The following AIMP1 variants were observed in gnomAD, a reference collection of about 807,000 sequenced individuals.
AIMP1 encodes aminoacyl tRNA synthase complex-interacting multifunctional protein 1.
In AIMP1, 24 loss-of-function variants were observed where a neutral mutation model predicts 33.1. That is an observed-to-expected ratio of 0.73 (90% CI 0.53 to 1.02). AIMP1 has a LOEUF of 1.02. Ranked by LOEUF, AIMP1 falls within the 50% of genes least tolerant of loss-of-function variation. AIMP1 has a pLI of 0.00. For missense variants in AIMP1, 367 were observed against 364.8 expected (o/e 1.01, Z -0.05); for synonymous variants, 120 against 121.5 (o/e 0.99, Z 0.08).
intron 5 of AIMP1, among the ~76,000 whole-genome samples, chr4:106,336,394 T>A (rs879339258): frequency 6.6e-6 from 1 of 152,056 alleles, no homozygotes; most frequent in Non-Finnish European, 1.5e-5. Flanking sequence ...AATGATCAAA[T>A]GTGTAGGGAA....
chr4:106,346,157 C>T (rs997964397), intron 6 of AIMP1, among the ~76,000 whole-genome samples: 1 of 151,936 alleles, frequency 6.6e-6, no homozygotes, highest in African/African-American at 2.4e-5. Flanking sequence ...TGAACATTCT[C>T]AGCTATTGAA....
intron 6 of AIMP1, among the ~76,000 whole-genome samples, chr4:106,341,775 C>A (rs1770108923): frequency 6.6e-6 from 1 of 152,116 alleles, no homozygotes; most frequent in African/African-American, 2.4e-5. Context: ...TATTTGCACT[C>A]TTTCCTCATT....
At position 106,336,928 on chromosome 4, in the gene AIMP1, A is replaced by G; in HGVS notation, c.663A>G (p.Val221=). The stretch of plus-strand genomic sequence containing the variant: ...TGAAACCTGCAAAGATGAGGGGAGT[A>G]TTATCTCAAGCAATGGTCATGTGTG... ...CNLKPAKMRG[V]LSQAMVMCAS... is the part of the protein sequence containing the mutation. Residue 221 remains valine, a synonymous_variant, in exon 6 of 7, where the codon GTA becomes GTG. Transcript: ENST00000672341. 1.9e-6 allele frequency: 3 copies of G among 1,614,052 alleles called. No homozygotes were observed. Among genetic ancestry groups the G allele is most frequent in the South Asian group, 1.1e-5 (1 of 91,072 alleles).
chr4:106,322,528 T>C (rs1769302322), intron 1 of AIMP1, among the ~76,000 whole-genome samples: 1 of 152,244 alleles, frequency 6.6e-6, no homozygotes, highest in Non-Finnish European at 1.5e-5. Flanking sequence ...CCAGAGCTTC[T>C]GTTCTAAAGA....
intron 6 of AIMP1, among the ~76,000 whole-genome samples, chr4:106,337,835 G>T (rs925301325): frequency 1.3e-5 from 2 of 152,226 alleles, no homozygotes; most frequent in Non-Finnish European, 2.9e-5. Context: ...CTAGAGACTT[G>T]TTGAATGGCT....
intron 1 of AIMP1, 110 bp downstream of exon 1, chr4:106,316,704 T>C (rs945296874): frequency 9.4e-6 from 10 of 1,062,496 alleles, no homozygotes; most frequent in Non-Finnish European, 1.2e-5. Flanking sequence ...GCGCTGCTAA[T>C]GGGTAGTCCG....
At position 106,349,049 on chromosome 4, in the gene AIMP1, T is replaced by G. The variant is rs1770400828; in HGVS notation, c.*1357T>G. The stretch of plus-strand genomic sequence containing the variant: ...CAGAATTAAATTTTATTTATTTAAA[T>G]CCATGGAACTCTGGTAGGCCAGGAT... On this transcript the variant is annotated 3_prime_UTR_variant, in exon 7 of 7. Coordinates refer to ENST00000672341, the MANE Select transcript of AIMP1 (RefSeq NM_001142416.2). The G allele has an allele frequency of 6.6e-6, 1 of 152,074 alleles. No homozygotes were observed. The highest frequency in any genetic ancestry group is 2.1e-4 in the South Asian group (1 of 4,824). The allele number at this position is 152,074 out of a possible 1,614,324, so 9.4% of individuals were successfully genotyped here.
At chr4:106,333,940 T>C (rs1041860234) in intron 5 of AIMP1, among the ~76,000 whole-genome samples, 6 of 152,214 alleles carry the variant, frequency 3.9e-5, no homozygotes, top group Non-Finnish European at 8.8e-5. Flanking sequence ...TGAAGAAATA[T>C]GGTTTTTAAA....
At chr4:106,344,760 A>C (rs1770232757) in intron 6 of AIMP1, among the ~76,000 whole-genome samples, 1 of 151,250 alleles carries the variant, frequency 6.6e-6, no homozygotes, top group South Asian at 2.1e-4. Context: ...TGTTCACTCC[A>C]CTTGAGCCAC....
chr4:106,332,845 T>C (rs1011271500), intron 5 of AIMP1, among the ~76,000 whole-genome samples: 28 of 151,914 alleles, frequency 1.8e-4, no homozygotes, highest in African/African-American at 6.8e-4. Context: ...TTTAGAGCCA[T>C]GCATATGACC....
At chr4:106,325,141 G>C in intron 2 of AIMP1, 23 bp downstream of exon 2, 1 of 1,585,086 alleles carries the variant, frequency 6.3e-7, no homozygotes, top group Non-Finnish European at 8.6e-7. Context: ...AAAATTTTTT[G>C]AGGAGATACT....
At chr4:106,341,772 A>G (rs970257918) in intron 6 of AIMP1, among the ~76,000 whole-genome samples, 1 of 151,808 alleles carries the variant, frequency 6.6e-6, no homozygotes, top group African/African-American at 2.4e-5. Context: ...GGCTATTTGC[A>G]CTCTTTCCTC....
At chr4:106,316,275 A>AC (rs1474255476), upstream of AIMP1, 4 of 373,518 alleles carry the variant, frequency 1.1e-5, no homozygotes, top group East Asian at 4.5e-5. Flanking sequence ...CTGAGGAAAG[A>AC]CCCCGACTTG....
At chr4:106,337,763 G>A (rs1169402392) in intron 6 of AIMP1, among the ~76,000 whole-genome samples, 16 of 152,164 alleles carry the variant, frequency 1.1e-4, no homozygotes, top group Admixed American at 1.0e-3. Flanking sequence ...GGAACAGTTT[G>A]GGACTTCCTG....
intron 6 of AIMP1, among the ~76,000 whole-genome samples, chr4:106,340,424 C>G (rs1770053777): frequency 6.6e-6 from 1 of 151,952 alleles, no homozygotes. Flanking sequence ...ATTTTAGAAC[C>G]CTCACCCCAC....
Position 106,336,863 on chromosome 4 carries a change from A to G in AIMP1, c.604-6A>G. The G allele has an allele frequency of 1.2e-6, 2 of 1,613,656 alleles. No individual in the cohort carries two copies. The highest frequency in any genetic ancestry group is 1.1e-5 in the South Asian group (1 of 91,062). On this transcript the variant is annotated splice_polypyrimidine_tract_variant and splice_region_variant and intron_variant, in intron 5 of 6. Transcript: ENST00000672341. ...ATCTTTACTTACCAGTTTATATTTC[A>G]CACAGATGCAAAATCGGATGGTGAT...
intron 1 of AIMP1, 34 bp from the exon 2 acceptor site, chr4:106,324,951 A>G: frequency 6.5e-7 from 1 of 1,543,732 alleles, no homozygotes; most frequent in South Asian, 1.3e-5. Flanking sequence ...TATTCCTTTC[A>G]CAGTGTAATT....
chr4:106,319,926 G>A (rs781723719), intron 1 of AIMP1, among the ~76,000 whole-genome samples: 3 of 152,292 alleles, frequency 2.0e-5, no homozygotes, highest in Non-Finnish European at 2.9e-5. Context: ...GCATCAGACA[G>A]ACCTGAGTTT....
At chr4:106,332,947 C>A (rs1040765441) in intron 5 of AIMP1, among the ~76,000 whole-genome samples, 1 of 152,094 alleles carries the variant, frequency 6.6e-6, no homozygotes, top group African/African-American at 2.4e-5. Flanking sequence ...AAAATACTTA[C>A]ACATGGAATT....
Sources: allele counts gnomAD v4.1 joint callset (sites outside exome capture counted in the v4.1 genomes callset), GRCh38; gene constraint gnomAD v4.1.1; transcripts MANE v1.5; gene names NCBI Gene and HGNC (gene_info 2026-07-23, HGNC 2026-07-21).